The following UBE4B variants were observed in gnomAD, a reference collection of about 807,000 sequenced individuals.
UBE4B encodes the protein ubiquitination factor E4B, also known as ubiquitin conjugation factor E4 B.
A neutral mutation model predicts 148.1 loss-of-function variants in UBE4B; 27 were observed. That is an observed-to-expected ratio of 0.18 (90% CI 0.13 to 0.25). The LOEUF (loss-of-function observed/expected upper bound fraction) is 0.25, where lower values mean the gene tolerates loss of function less well. UBE4B is among the 10% of genes least tolerant of loss of function. The probability of loss-of-function intolerance (pLI) is 1.00; values close to 1 mark genes in which losing one functional copy is unlikely to be tolerated. For synonymous variants in UBE4B, 596 were observed against 619.3 expected, an observed-to-expected ratio of 0.96 and a Z score of 0.56; for missense variants, 1,170 against 1,662.4, an observed-to-expected ratio of 0.70 and a Z score of 5.15.
At chr1:10,053,060 C>G (rs1332362145) in intron 1 of UBE4B, among the ~76,000 whole-genome samples, 3 of 152,128 alleles carry the variant, frequency 2.0e-5, no homozygotes, top group African/African-American at 7.2e-5. Flanking sequence ...AAGGCCCCAT[C>G]TCCTAATTTC....
intron 23 of UBE4B, among the ~76,000 whole-genome samples, chr1:10,162,265 C>G (rs61782936): frequency 0.051 from 7,752 of 152,258 alleles, 533 homozygotes; most frequent in East Asian, 0.22. Context: ...TCTTTGCCTC[C>G]TGGGTACAAG....
At chr1:10,178,081 C>T (rs867115743) in intron 25 of UBE4B, among the ~76,000 whole-genome samples, 29 of 151,986 alleles carry the variant, frequency 1.9e-4, no homozygotes, top group African/African-American at 6.0e-4. Context: ...GGTGGTCTAA[C>T]GTCCATGGAG....
chr1:10,178,620 C>T (rs1646462083), intron 25 of UBE4B, 24 bp from the exon 26 acceptor site: 1 of 1,565,826 alleles, frequency 6.4e-7, no homozygotes, highest in African/African-American at 1.4e-5. Context: ...ATTTACGTCT[C>T]ACATTGCCAT....
intron 10 of UBE4B, among the ~76,000 whole-genome samples, chr1:10,122,605 G>A (rs114554959): frequency 7.7e-4 from 118 of 152,330 alleles, no homozygotes; most frequent in Admixed American, 1.2e-3. Flanking sequence ...GTAAAGCCAG[G>A]TGAAAATGCA....
At chr1:10,076,640 C>T (rs1644587793) in intron 2 of UBE4B, among the ~76,000 whole-genome samples, 1 of 151,186 alleles carries the variant, frequency 6.6e-6, no homozygotes, top group Non-Finnish European at 1.5e-5. Context: ...TGGTGGCCCT[C>T]TTAGTTGGGC....
At chr1:10,118,564 G>A (rs950809053) in intron 8 of UBE4B, among the ~76,000 whole-genome samples, 4 of 151,530 alleles carry the variant, frequency 2.6e-5, no homozygotes, top group Admixed American at 6.6e-5. Context: ...GAGTACAATG[G>A]CACAATCTCG....
At chr1:10,071,680 G>GTATT (rs1189064239) in intron 1 of UBE4B, among the ~76,000 whole-genome samples, 1 of 130,854 alleles carries the variant, frequency 7.6e-6, no homozygotes, top group Non-Finnish European at 1.9e-5. Flanking sequence ...CAGTATATAC[G>GTATT]TATTTATGTA....
intron 1 of UBE4B, among the ~76,000 whole-genome samples, chr1:10,040,486 A>G (rs888188077): frequency 4.6e-5 from 7 of 152,124 alleles, no homozygotes; most frequent in Non-Finnish European, 8.8e-5. Flanking sequence ...CCTGGGCTCA[A>G]GTGATCTGCC....
At chr1:10,097,527 C>T (rs1419620580) in intron 3 of UBE4B, among the ~76,000 whole-genome samples, 1 of 152,062 alleles carries the variant, frequency 6.6e-6, no homozygotes, top group Non-Finnish European at 1.5e-5. Context: ...TTTAAAAAAT[C>T]AGGCCAGGAG....
chr1:10,139,785 A>G (rs150420533), intron 17 of UBE4B, among the ~76,000 whole-genome samples: 2,647 of 152,246 alleles, frequency 0.017, 35 homozygotes, highest in Non-Finnish European at 0.027. Flanking sequence ...CAGGAGTGCA[A>G]TGGTGCAATC....
At chr1:10,127,328 A>G (rs1293716404) in intron 11 of UBE4B, among the ~76,000 whole-genome samples, 4 of 151,926 alleles carry the variant, frequency 2.6e-5, no homozygotes, top group South Asian at 4.2e-4. Flanking sequence ...TCTCTTGTTC[A>G]CCCTCCCTGT....
At chr1:10,037,137 C>T (rs1477472533) in intron 1 of UBE4B, among the ~76,000 whole-genome samples, 2 of 152,142 alleles carry the variant, frequency 1.3e-5, no homozygotes, top group South Asian at 2.1e-4. Context: ...AAGCGATTTT[C>T]CTGCGTCAGC....
At chr1:10,179,098 C>T (rs981657986) in intron 26 of UBE4B, 1 of 465,124 alleles carries the variant, frequency 2.1e-6, no homozygotes, top group African/African-American at 2.0e-5. Flanking sequence ...TCAAAGAATT[C>T]CCAGAAGTCC....
intron 11 of UBE4B, chr1:10,129,112 CTG>C (rs1203955325): frequency 2.7e-5 from 10 of 363,762 alleles, no homozygotes; most frequent in African/African-American, 8.0e-5. Context: ...TATCTGAAAA[CTG>C]TTGCTCAAAA....
chr1:10,053,758 G>A (rs75051538), intron 1 of UBE4B, among the ~76,000 whole-genome samples: 221 of 151,598 alleles, frequency 1.5e-3, no homozygotes, highest in African/African-American at 5.2e-3. Context: ...GCGTGATCAC[G>A]GCTCACTTGC....
At chr1:10,170,549 A>G (rs1027230983) in intron 24 of UBE4B, among the ~76,000 whole-genome samples, 11 of 152,172 alleles carry the variant, frequency 7.2e-5, no homozygotes, top group African/African-American at 2.7e-4. Context: ...TACAGCATAG[A>G]TTATTACTAT....
intron 2 of UBE4B, among the ~76,000 whole-genome samples, chr1:10,085,872 G>A (rs896042299): frequency 3.3e-5 from 5 of 151,604 alleles, no homozygotes; most frequent in African/African-American, 1.2e-4. Flanking sequence ...TCACTGCAAC[G>A]TCTGCCTCCT....
chr1:10,132,329 T>G (rs747188322), intron 14 of UBE4B, 40 bp from the exon 15 acceptor site: 2 of 1,538,380 alleles, frequency 1.3e-6, no homozygotes, highest in African/African-American at 2.7e-5. Flanking sequence ...ATGTGCAAAA[T>G]AGTTTTAATT....
At chr1:10,049,633 T>A (rs1453436549) in intron 1 of UBE4B, among the ~76,000 whole-genome samples, 2 of 151,808 alleles carry the variant, frequency 1.3e-5, no homozygotes, top group African/African-American at 4.8e-5. Context: ...GGGCATAGTG[T>A]CTCATGCCTG....
Sources: allele counts gnomAD v4.1 joint callset (sites outside exome capture counted in the v4.1 genomes callset), GRCh38; gene constraint gnomAD v4.1.1; transcripts MANE v1.5; gene names NCBI Gene and HGNC (gene_info 2026-07-23, HGNC 2026-07-21).